The following ROBO2 variants were observed in gnomAD, a reference collection of about 807,000 sequenced individuals.
ROBO2 encodes the protein roundabout homolog 2.
A neutral mutation model predicts 160.8 loss-of-function variants in ROBO2; 53 were observed. That is an observed-to-expected ratio of 0.33 (90% confidence interval 0.26 to 0.41). The LOEUF (loss-of-function observed/expected upper bound fraction) is 0.41, where lower values mean the gene tolerates loss of function less well. ROBO2 is among the 10% of genes least tolerant of loss of function. The probability of loss-of-function intolerance (pLI) is 1.00; values close to 1 mark genes in which losing one functional copy is unlikely to be tolerated. For synonymous variants in ROBO2, 664 were observed against 611.7 expected, an observed-to-expected ratio of 1.09 and a Z score of -1.26; for missense variants, 1,577 against 1,722.4, an observed-to-expected ratio of 0.92 and a Z score of 1.49.
At chr3:76,115,787 A>G (rs989778147) in intron 2 of ROBO2, among the ~76,000 whole-genome samples, 10 of 152,100 alleles carry the variant, frequency 6.6e-5, no homozygotes, top group African/African-American at 2.4e-4. Context: ...ATTTAGCCAT[A>G]TGGACATCTT....
intron 2 of ROBO2, among the ~76,000 whole-genome samples, chr3:77,429,280 T>A (rs1237281864): frequency 6.6e-6 from 1 of 152,272 alleles, no homozygotes; most frequent in East Asian, 1.9e-4. Flanking sequence ...GAGCTACATT[T>A]TATTACCATC....
chr3:77,350,147 G>A (rs896303742), intron 2 of ROBO2, among the ~76,000 whole-genome samples: 2 of 151,622 alleles, frequency 1.3e-5, no homozygotes, highest in African/African-American at 4.8e-5. Flanking sequence ...AGTGGCTCAT[G>A]CCTGTAATCT....
At chr3:76,475,636 G>GT (rs2078894904) in intron 2 of ROBO2, among the ~76,000 whole-genome samples, 1 of 151,972 alleles carries the variant, frequency 6.6e-6, no homozygotes, top group African/African-American at 2.4e-5. Context: ...GGACCCACTA[G>GT]TATTCGTAAA....
intron 5 of ROBO2, 82 bp downstream of exon 5, chr3:77,493,464 C>T (rs2086394276): frequency 1.4e-6 from 2 of 1,418,990 alleles, no homozygotes; most frequent in South Asian, 1.2e-5. Flanking sequence ...ATGCCACCAC[C>T]AAACACTCCT....
At chr3:77,233,778 A>T (rs2087552410) in intron 2 of ROBO2, among the ~76,000 whole-genome samples, 1 of 152,174 alleles carries the variant, frequency 6.6e-6, no homozygotes, top group Admixed American at 6.5e-5. Context: ...AATTCTTATT[A>T]ATTACCTTAT....
intron 2 of ROBO2, among the ~76,000 whole-genome samples, chr3:76,941,762 T>G (rs9867747): frequency 0.49 from 74,933 of 151,990 alleles, 19,562 homozygotes; most frequent in African/African-American, 0.68. Flanking sequence ...TTAGGAGAAT[T>G]TCGCTAGAGC....
intron 2 of ROBO2, among the ~76,000 whole-genome samples, chr3:77,357,098 C>T (rs891228398): frequency 6.6e-6 from 1 of 152,166 alleles, no homozygotes; most frequent in African/African-American, 2.4e-5. Flanking sequence ...GTACCAGATA[C>T]TTTGCAAGGG....
chr3:76,184,210 T>C (rs1024088203), intron 2 of ROBO2, among the ~76,000 whole-genome samples: 1 of 152,120 alleles, frequency 6.6e-6, no homozygotes, highest in African/African-American at 2.4e-5. Context: ...CTCATGCTTC[T>C]GTGTCCAGCT....
At chr3:77,286,990 T>C (rs879685389) in intron 2 of ROBO2, among the ~76,000 whole-genome samples, 4 of 152,228 alleles carry the variant, frequency 2.6e-5, no homozygotes, top group Admixed American at 1.3e-4. Context: ...AGATTAGAAA[T>C]GGAGGTTGCC....
chr3:76,584,267 C>CA (rs1429601001), intron 2 of ROBO2, among the ~76,000 whole-genome samples: 1 of 151,904 alleles, frequency 6.6e-6, no homozygotes, highest in Admixed American at 6.6e-5. Context: ...TCTGTTTTGC[C>CA]AAAAAATCTC....
At chr3:76,899,562 A>T (rs1166011027) in intron 2 of ROBO2, among the ~76,000 whole-genome samples, 1 of 152,136 alleles carries the variant, frequency 6.6e-6, no homozygotes, top group Non-Finnish European at 1.5e-5. Flanking sequence ...CTTTTCATAG[A>T]AAGGATAATG....
At chr3:77,563,940 A>C (rs1458053156) in intron 11 of ROBO2, among the ~76,000 whole-genome samples, 1 of 152,144 alleles carries the variant, frequency 6.6e-6, no homozygotes, top group African/African-American at 2.4e-5. Flanking sequence ...AGCAAATATC[A>C]GTATAAAATT....
chr3:76,841,160 G>C (rs2148469205), intron 2 of ROBO2, among the ~76,000 whole-genome samples: 1 of 152,302 alleles, frequency 6.6e-6, no homozygotes, highest in South Asian at 2.1e-4. Flanking sequence ...TTGTAGCACT[G>C]TGCAAGCGCC....
At chr3:76,507,495 C>T (rs2080856973) in intron 2 of ROBO2, among the ~76,000 whole-genome samples, 1 of 152,074 alleles carries the variant, frequency 6.6e-6, no homozygotes, top group African/African-American at 2.4e-5. Context: ...AAATCTAATA[C>T]TTGCAGAAAT....
intron 2 of ROBO2, among the ~76,000 whole-genome samples, chr3:76,726,721 C>G (rs1028371548): frequency 2.0e-5 from 3 of 152,042 alleles, no homozygotes; most frequent in Non-Finnish European, 4.4e-5. Context: ...GATGTTATTG[C>G]GACTTGTATT....
intron 2 of ROBO2, among the ~76,000 whole-genome samples, chr3:76,351,426 A>G (rs766220838): frequency 1.3e-5 from 2 of 151,994 alleles, no homozygotes; most frequent in Non-Finnish European, 2.9e-5. Flanking sequence ...GAACATCAGA[A>G]TCACTAGAGA....
chr3:77,198,579 C>A (rs2082521732), intron 2 of ROBO2, among the ~76,000 whole-genome samples: 1 of 152,096 alleles, frequency 6.6e-6, no homozygotes, highest in African/African-American at 2.4e-5. Context: ...GCTTTTTCAG[C>A]CGGGCCCCAA....
chr3:77,410,699 T>TCC (rs1560758742), intron 2 of ROBO2, among the ~76,000 whole-genome samples: 1 of 41,010 alleles, frequency 2.4e-5, no homozygotes, highest in East Asian at 8.4e-4. Context: ...CCTCCTCCTC[T>TCC]TCCTCCTCCT....
chr3:77,192,949 C>T (rs1025403981), intron 2 of ROBO2, among the ~76,000 whole-genome samples: 18 of 151,836 alleles, frequency 1.2e-4, no homozygotes, highest in East Asian at 1.9e-4. Context: ...CCACCAAGCC[C>T]GGCCCACATT....
Sources: allele counts gnomAD v4.1 joint callset (sites outside exome capture counted in the v4.1 genomes callset), GRCh38; gene constraint gnomAD v4.1.1; transcripts MANE v1.5; gene names NCBI Gene and HGNC (gene_info 2026-07-23, HGNC 2026-07-21).